Variants in RSPO3 observed in about 807,000 individuals in gnomAD.
The protein encoded by RSPO3 is R-spondin-3.
RSPO3 carries 17 observed loss-of-function variants against 36.5 expected under a neutral mutation model. The observed-to-expected ratio is 0.47, with a 90% CI of 0.32 to 0.70. The LOEUF (loss-of-function observed/expected upper bound fraction) is 0.70, where lower values mean the gene tolerates loss of function less well. Ranked by LOEUF, RSPO3 falls within the 30% of genes least tolerant of loss-of-function variation. The pLI is 0.04. For missense variants in RSPO3, 294 were observed against 322.5 expected, an observed-to-expected ratio of 0.91 and a Z score of 0.68; for synonymous variants, 108 against 107.0, an observed-to-expected ratio of 1.01 and a Z score of -0.06.
intron 4 of RSPO3, among the ~76,000 whole-genome samples, chr6:127,165,913 C>A (rs562506023): frequency 5.3e-5 from 8 of 151,958 alleles, no homozygotes; most frequent in African/African-American, 1.9e-4. Context: ...TGTAAAAACA[C>A]AAAAGCCTAA....
chr6:127,135,257 T>TA (rs1342193649), intron 1 of RSPO3, among the ~76,000 whole-genome samples: 1 of 151,694 alleles, frequency 6.6e-6, no homozygotes, highest in African/African-American at 2.4e-5. Flanking sequence ...CCGTCTCTAC[T>TA]AAAAATATAA....
chr6:127,195,872 T>C lies in RSPO3; in HGVS notation c.684T>C (p.Ser228=). Residue 228 remains serine (S), a synonymous_variant, in exon 5 of 5, where the codon AGT becomes AGC. Transcript: ENST00000356698. ...GAAAAAAACCTAATAAAGGAGAAAG[T>C]AAAGAAGCAATACCTGACAGCAAAA... The part of the protein sequence containing the change: ...RKRKKPNKGE[S]KEAIPDSKSL... The C allele has an allele frequency of 1.9e-6, 3 of 1,605,948 alleles. No individual in the cohort carries two copies. The highest frequency in any genetic ancestry group is 2.6e-6 in the Non-Finnish European group (3 of 1,175,576).
intron 1 of RSPO3, among the ~76,000 whole-genome samples, chr6:127,119,662 G>A (rs1773797729): frequency 6.6e-6 from 1 of 152,254 alleles, no homozygotes. Flanking sequence ...CCCAGACGCA[G>A]GATGCCTCTG....
intron 4 of RSPO3, among the ~76,000 whole-genome samples, chr6:127,174,782 A>G (rs1034071659): frequency 2.6e-5 from 4 of 151,842 alleles, no homozygotes; most frequent in African/African-American, 9.7e-5. Context: ...AAAGTATTTT[A>G]TGGTCTATTT....
intron 1 of RSPO3, among the ~76,000 whole-genome samples, chr6:127,139,665 A>C (rs905617575): frequency 6.6e-6 from 1 of 152,208 alleles, no homozygotes; most frequent in South Asian, 2.1e-4. Context: ...AATGATTCCC[A>C]CTGTTGGATG....
intron 1 of RSPO3, among the ~76,000 whole-genome samples, chr6:127,140,351 C>G (rs1774245156): frequency 6.6e-6 from 1 of 152,094 alleles, no homozygotes; most frequent in Non-Finnish European, 1.5e-5. Context: ...CCCACACACA[C>G]ACTTACACAG....
At chr6:127,133,715 A>C (rs995901315) in intron 1 of RSPO3, among the ~76,000 whole-genome samples, 1 of 152,288 alleles carries the variant, frequency 6.6e-6, no homozygotes, top group East Asian at 1.9e-4. Context: ...ATTTTTAAAA[A>C]GCTAACAAGG....
At chr6:127,152,779 T>C (rs1774515848) in intron 3 of RSPO3, among the ~76,000 whole-genome samples, 1 of 152,128 alleles carries the variant, frequency 6.6e-6, no homozygotes, top group East Asian at 1.9e-4. Flanking sequence ...CTGAACCAAA[T>C]TTTATAAGAG....
chr6:127,185,731 A>T (rs543286262), intron 4 of RSPO3, among the ~76,000 whole-genome samples: 1 of 152,222 alleles, frequency 6.6e-6, no homozygotes, highest in South Asian at 2.1e-4. Context: ...GCTTCAGAGA[A>T]AGACATAGTG....
chr6:127,122,064 T>C (rs1283288188), intron 1 of RSPO3, among the ~76,000 whole-genome samples: 1 of 152,220 alleles, frequency 6.6e-6, no homozygotes, highest in Admixed American at 6.5e-5. Context: ...TCATTTGAAG[T>C]GTTAAATATT....
intron 4 of RSPO3, among the ~76,000 whole-genome samples, chr6:127,189,824 G>T (rs574114445): frequency 6.6e-6 from 1 of 152,068 alleles, no homozygotes; most frequent in Non-Finnish European, 1.5e-5. Context: ...GTAACCTACC[G>T]CATAGGTAAA....
intron 1 of RSPO3, 142 bp downstream of exon 1, chr6:127,119,431 G>C (rs1036361970): frequency 9.2e-6 from 6 of 651,516 alleles, no homozygotes; most frequent in Non-Finnish European, 1.6e-5. Flanking sequence ...CGGGCTTTGG[G>C]GGTATGGACG....
chr6:127,169,141 A>T (rs982154989), intron 4 of RSPO3, among the ~76,000 whole-genome samples: 1 of 151,690 alleles, frequency 6.6e-6, no homozygotes, highest in Non-Finnish European at 1.5e-5. Context: ...CAATGGTTGA[A>T]CTAATTTACC....
intron 3 of RSPO3, among the ~76,000 whole-genome samples, chr6:127,153,188 T>G (rs1406655972): frequency 6.6e-6 from 1 of 152,102 alleles, no homozygotes; most frequent in African/African-American, 2.4e-5. Context: ...TTTAAGATGG[T>G]TCTTAATACA....
chr6:127,127,816 T>C (rs1451124779), intron 1 of RSPO3, among the ~76,000 whole-genome samples: 1 of 152,016 alleles, frequency 6.6e-6, no homozygotes, highest in Non-Finnish European at 1.5e-5. Flanking sequence ...CTTTCCTCCT[T>C]CTTTCTTTAT....
intron 4 of RSPO3, among the ~76,000 whole-genome samples, chr6:127,192,327 C>G (rs553947374): frequency 6.6e-6 from 1 of 152,236 alleles, no homozygotes; most frequent in South Asian, 2.1e-4. Context: ...TTTCATTTGT[C>G]CCATGAGTAA....
At chr6:127,164,505 A>T (rs765064254) in intron 4 of RSPO3, among the ~76,000 whole-genome samples, 2 of 151,918 alleles carry the variant, frequency 1.3e-5, no homozygotes, top group African/African-American at 4.8e-5. Context: ...TATTTTAACT[A>T]TTTTTTTCTA....
rs1237425528 is a variant in RSPO3, at chr6:127,150,531, G to T, written c.395G>T (p.Gly132Val). Residue 132 changes from glycine to valine, a missense_variant, in exon 3 of 5, where the codon GGG (glycine) becomes GTG (valine). Around this residue, in one of 3 missense-constraint regions of RSPO3, gnomAD observed 190 missense variants for 185.2 expected, o/e 1.03. Transcript: ENST00000356698. ...LGKCLDNCPE[G>V]LEANNHTMEC... The stretch of plus-strand genomic sequence containing the variant: ...AAGTGCCTTGACAATTGCCCAGAAG[G>T]GTTGGAAGCCAACAACCATACTATG... 1.9e-6 allele frequency: 3 copies of T among 1,611,712 alleles called. No homozygotes were observed. In the South Asian group the frequency reaches 3.3e-5, roughly 18 times the overall value.
chr6:127,179,735 C>G (rs1456762762), intron 4 of RSPO3, among the ~76,000 whole-genome samples: 2 of 151,784 alleles, frequency 1.3e-5, no homozygotes, highest in Non-Finnish European at 2.9e-5. Context: ...GGCTGTGTTC[C>G]TTTTTGGCAA....
Sources: allele counts gnomAD v4.1 joint callset (sites outside exome capture counted in the v4.1 genomes callset), GRCh38; gene constraint gnomAD v4.1.1; regional missense constraint gnomAD v4.1.1; transcripts MANE v1.5; gene names NCBI Gene and HGNC (gene_info 2026-07-23, HGNC 2026-07-21).